FOXP2: variants seen among roughly 807,000 people sequenced by gnomAD.
FOXP2 encodes the protein forkhead box P2, also known as forkhead box protein P2.
FOXP2 carries 12 observed loss-of-function variants against 115.8 expected under a neutral mutation model. That is an observed-to-expected ratio of 0.10 (90% CI 0.07 to 0.17). FOXP2 has a LOEUF of 0.17. Among genes scored for constraint, FOXP2 ranks in the 10% least tolerant of loss-of-function variants. The pLI is 1.00. For missense variants in FOXP2, 629 were observed against 843.5 expected (o/e 0.75, Z 3.15); for synonymous variants, 328 against 297.7 (o/e 1.10, Z -1.05).
At chr7:114,462,960 T>C (rs1795643544) in intron 2 of FOXP2, 3 of 319,390 alleles carry the variant, frequency 9.4e-6, no homozygotes, top group Non-Finnish European at 1.9e-5. Context: ...AATCAATCAA[T>C]ACATTAATTA....
At chr7:114,675,097 G>C (rs2129346977) in intron 16 of FOXP2, among the ~76,000 whole-genome samples, 1 of 152,164 alleles carries the variant, frequency 6.6e-6, no homozygotes, top group Non-Finnish European at 1.5e-5. Context: ...CTTAAGAAAT[G>C]AATTGTGTAT....
chr7:114,515,463 G>A (rs1038885769), intron 2 of FOXP2, among the ~76,000 whole-genome samples: 2 of 152,040 alleles, frequency 1.3e-5, no homozygotes, highest in African/African-American at 4.8e-5. Flanking sequence ...TTTCTCTGAT[G>A]GCCAGTGATG....
chr7:114,339,425 T>A (rs1791145893), intron 2 of FOXP2, among the ~76,000 whole-genome samples: 1 of 151,084 alleles, frequency 6.6e-6, no homozygotes, highest in African/African-American at 2.4e-5. Flanking sequence ...TTTTGTGAAC[T>A]TTTTTTTAGA....
chr7:114,113,036 T>C (rs1320374087), intron 1 of FOXP2, among the ~76,000 whole-genome samples: 2 of 152,152 alleles, frequency 1.3e-5, no homozygotes, highest in African/African-American at 4.8e-5. Flanking sequence ...TCATCAGAGA[T>C]TGAACCATGA....
chr7:114,261,719 T>A (rs898805032), intron 1 of FOXP2, among the ~76,000 whole-genome samples: 2 of 152,200 alleles, frequency 1.3e-5, no homozygotes, highest in Non-Finnish European at 2.9e-5. Flanking sequence ...GTCTGATGCA[T>A]AATAAGTACT....
intron 1 of FOXP2, among the ~76,000 whole-genome samples, chr7:114,114,402 T>C (rs1791350210): frequency 6.6e-6 from 1 of 151,998 alleles, no homozygotes; most frequent in Non-Finnish European, 1.5e-5. Context: ...GCTAGATCCT[T>C]GACCACGTTC....
chr7:114,176,529 C>T (rs1206661159), intron 1 of FOXP2, among the ~76,000 whole-genome samples: 2 of 151,544 alleles, frequency 1.3e-5, no homozygotes, highest in East Asian at 1.9e-4. Context: ...TTTGTAGAGT[C>T]GGGATTTCAC....
intron 1 of FOXP2, among the ~76,000 whole-genome samples, chr7:114,245,077 T>C (rs1165968608): frequency 6.6e-6 from 1 of 152,224 alleles, no homozygotes; most frequent in Non-Finnish European, 1.5e-5. Context: ...GTTTTCTTTA[T>C]ATATACATTC....
intron 2 of FOXP2, among the ~76,000 whole-genome samples, chr7:114,529,609 A>G (rs1799039576): frequency 6.6e-6 from 1 of 151,894 alleles, no homozygotes; most frequent in Admixed American, 6.6e-5. Context: ...TATGTAACAT[A>G]TACTGTAAAA....
chr7:114,330,658 A>T (rs1025770777), intron 2 of FOXP2, among the ~76,000 whole-genome samples: 1 of 152,064 alleles, frequency 6.6e-6, no homozygotes, highest in East Asian at 1.9e-4. Flanking sequence ...AATCATAAAC[A>T]TAAAGTAACT....
At chr7:114,325,818 C>T (rs1485609007) in intron 2 of FOXP2, among the ~76,000 whole-genome samples, 3 of 152,054 alleles carry the variant, frequency 2.0e-5, no homozygotes, top group East Asian at 3.9e-4. Context: ...GCAACATATT[C>T]AGTTATCTTA....
At chr7:114,242,711 A>G (rs1246760266) in intron 1 of FOXP2, among the ~76,000 whole-genome samples, 2 of 152,286 alleles carry the variant, frequency 1.3e-5, no homozygotes, top group East Asian at 3.9e-4. Flanking sequence ...GAAATATGTA[A>G]AAGATATTCA....
chr7:114,174,206 A>G (rs1051747577), intron 1 of FOXP2, among the ~76,000 whole-genome samples: 1 of 151,974 alleles, frequency 6.6e-6, no homozygotes, highest in Non-Finnish European at 1.5e-5. Flanking sequence ...ATACTTATGT[A>G]TGTACTTATG....
In FOXP2 at chr7:114,649,453, A is replaced by G. The variant is rs182750604; in HGVS notation, c.1095-2750A>G. On this transcript the variant is annotated intron_variant, in intron 8 of 16. Transcript: ENST00000350908. Reference sequence around the variant, plus strand: ...AGGCACTGACTGAGAAAATCCACCAATCCTCTCATTTTTCAGTATTATCTC... The same window carrying G: ...AGGCACTGACTGAGAAAATCCACCAGTCCTCTCATTTTTCAGTATTATCTC... 2.2e-4 allele frequency among the ~76,000 whole-genome samples: 34 copies of G among 152,200 alleles called. No individual in the cohort carries two copies. In the South Asian group the frequency reaches 4.8e-3, roughly 21 times the overall value.
intron 15 of FOXP2, 63 bp from the exon 16 acceptor site, chr7:114,664,210 T>A (rs764362280): frequency 1.3e-6 from 2 of 1,536,844 alleles, no homozygotes; most frequent in East Asian, 4.6e-5. Flanking sequence ...AGAAGATACA[T>A]GTTTTAAAAA....
At chr7:114,682,426 A>G (rs1808134250) in intron 16 of FOXP2, among the ~76,000 whole-genome samples, 1 of 152,192 alleles carries the variant, frequency 6.6e-6, no homozygotes, top group Admixed American at 6.5e-5. Flanking sequence ...AGGATTCATA[A>G]TGAAGAATTG....
intron 1 of FOXP2, among the ~76,000 whole-genome samples, chr7:114,250,940 T>G (rs1795425550): frequency 6.6e-6 from 1 of 152,224 alleles, no homozygotes; most frequent in African/African-American, 2.4e-5. Flanking sequence ...AGTCTAACAT[T>G]TAAGTCTTTA....
At chr7:114,353,358 T>A (rs1425589192) in intron 2 of FOXP2, among the ~76,000 whole-genome samples, 4 of 113,956 alleles carry the variant, frequency 3.5e-5, no homozygotes, top group Non-Finnish European at 7.5e-5. Flanking sequence ...TTTTTTTTTT[T>A]TCACAGCTCT....
intron 1 of FOXP2, among the ~76,000 whole-genome samples, chr7:114,237,413 A>T (rs1000079699): frequency 2.0e-5 from 3 of 152,216 alleles, no homozygotes; most frequent in African/African-American, 7.2e-5. Context: ...TGGGAATAGC[A>T]CATTTGGGAC....
Sources: gnomAD v4.1 joint callset for allele counts (sites outside exome capture counted in the v4.1 genomes callset) on GRCh38, gnomAD v4.1.1 for gene constraint, MANE v1.5 for transcripts, NCBI Gene and HGNC (gene_info 2026-07-23, HGNC 2026-07-21) for gene names.